Variants in TOX2 observed in about 807,000 individuals in gnomAD.
TOX2 encodes the protein granulosa cell HMG box 1.
Under a neutral mutation model 47.4 loss-of-function variants are expected in TOX2, and 15 were observed. That is an observed-to-expected ratio of 0.32 (90% CI 0.21 to 0.49). The LOEUF is 0.49. Among genes scored for constraint, TOX2 ranks in the 20% least tolerant of loss-of-function variants. The pLI, the probability that TOX2 is intolerant of heterozygous loss-of-function variation, is 0.99. For synonymous variants in TOX2, 290 were observed against 296.6 expected (o/e 0.98, Z 0.23); for missense variants, 622 against 673.1 (o/e 0.92, Z 0.84).
chr20:44,023,994 T>C (rs531386648), intron 3 of TOX2, among the ~76,000 whole-genome samples: 1 of 152,196 alleles, frequency 6.6e-6, no homozygotes, highest in Non-Finnish European at 1.5e-5. Context: ...GGTGGTGGCT[T>C]TTTATAAGAT....
At chr20:43,925,655 G>T (rs934303587) in intron 1 of TOX2, among the ~76,000 whole-genome samples, 5 of 152,350 alleles carry the variant, frequency 3.3e-5, no homozygotes, top group Middle Eastern at 3.4e-3. Flanking sequence ...CTGGGGTTCA[G>T]TTAGGTGTTG....
At chr20:44,021,105 A>G (rs2070968585) in intron 3 of TOX2, among the ~76,000 whole-genome samples, 2 of 152,184 alleles carry the variant, frequency 1.3e-5, no homozygotes, top group Non-Finnish European at 2.9e-5. Flanking sequence ...AAGAAGAACC[A>G]GGAACAAAAT....
At chr20:43,976,782 G>GCGCGCGCACA (rs1555835309) in intron 2 of TOX2, among the ~76,000 whole-genome samples, 1 of 146,434 alleles carries the variant, frequency 6.8e-6, no homozygotes, top group African/African-American at 2.6e-5. Context: ...GAGCGCGCGC[G>GCGCGCGCACA]CACACACACA....
In TOX2 at chr20:44,069,044, G is replaced by A. The variant is rs1017359539; in HGVS notation, c.*358G>A. ...GCCCCTGGCGGGGTCGCTTACCAACGGACACCCACCCCAGATGCATGGGCC... is the reference window on the plus strand; with the variant it reads ...GCCCCTGGCGGGGTCGCTTACCAACAGACACCCACCCCAGATGCATGGGCC... On this transcript the variant is annotated 3_prime_UTR_variant, in exon 9 of 9. Coordinates refer to ENST00000341197, the MANE Select transcript of TOX2 (RefSeq NM_001098797.2). 2.6e-5 allele frequency: 11 copies of A among 420,802 alleles called. No homozygotes were observed. Among genetic ancestry groups the A allele is most frequent in the East Asian group, 1.1e-4 (2 of 17,754 alleles). The allele number at this position is 420,802 out of a possible 1,614,324, so 26.1% of individuals were successfully genotyped here. A position where few individuals can be genotyped will look rare whatever the true frequency, so the allele number is the denominator to read the frequency against.
chr20:43,961,018 A>T (rs1026838520), intron 1 of TOX2, among the ~76,000 whole-genome samples: 1 of 152,208 alleles, frequency 6.6e-6, no homozygotes, highest in African/African-American at 2.4e-5. Context: ...TTTGAAGGTG[A>T]TGGTGTCTTG....
intron 1 of TOX2, among the ~76,000 whole-genome samples, chr20:43,935,930 A>C (rs1276439354): frequency 4.4e-3 from 43 of 9,804 alleles, no homozygotes; most frequent in Non-Finnish European, 0.011. Flanking sequence ...TCCATCCCAA[A>C]AAAAAAAAAA....
chr20:43,942,180 C>G (rs1428310635), intron 1 of TOX2, among the ~76,000 whole-genome samples: 3 of 152,184 alleles, frequency 2.0e-5, no homozygotes, highest in Non-Finnish European at 4.4e-5. Context: ...ATGGACCAGA[C>G]CAGGCACTTT....
intron 1 of TOX2, among the ~76,000 whole-genome samples, chr20:43,949,083 C>T (rs1479082945): frequency 1.3e-5 from 2 of 151,980 alleles, no homozygotes; most frequent in African/African-American, 4.8e-5. Flanking sequence ...GAAACAGTTA[C>T]TCTCAATGGC....
chr20:44,002,732 G>A (rs559128042), intron 2 of TOX2, among the ~76,000 whole-genome samples: 1 of 152,184 alleles, frequency 6.6e-6, no homozygotes, highest in East Asian at 1.9e-4. Flanking sequence ...GAAGGTGAAG[G>A]GGGGAGCAGG....
intron 5 of TOX2, 127 bp from the exon 6 acceptor site, chr20:44,064,650 C>T (rs2071777712): frequency 2.4e-6 from 2 of 850,514 alleles, no homozygotes; most frequent in African/African-American, 1.7e-5. Context: ...CTGGCTGACT[C>T]AGCTTCTGAC....
At chr20:43,970,845 A>G (rs536198726) in intron 1 of TOX2, among the ~76,000 whole-genome samples, 3 of 152,338 alleles carry the variant, frequency 2.0e-5, no homozygotes, top group African/African-American at 7.2e-5. Context: ...GAGACAGTCT[A>G]TGTTATAAGA....
chr20:44,039,152 G>T (rs1433880719), intron 3 of TOX2: 26 of 1,262,246 alleles, frequency 2.1e-5, no homozygotes, highest in Non-Finnish European at 2.5e-5. Context: ...GGAGAGCTCT[G>T]CCAGAGGCTT....
chr20:43,966,471 G>A (rs2069855483), intron 1 of TOX2, among the ~76,000 whole-genome samples: 1 of 152,128 alleles, frequency 6.6e-6, no homozygotes, highest in African/African-American at 2.4e-5. Flanking sequence ...AAGAGTGGGG[G>A]CACTTGCTGG....
chr20:43,935,281 G>A (rs2069310441), intron 1 of TOX2, among the ~76,000 whole-genome samples: 2 of 152,068 alleles, frequency 1.3e-5, no homozygotes, highest in South Asian at 2.1e-4. Context: ...CTCTTTCTCC[G>A]CCATCTTCCC....
At chr20:44,061,993 T>C (rs1463548872) in intron 5 of TOX2, among the ~76,000 whole-genome samples, 1 of 143,520 alleles carries the variant, frequency 7.0e-6, no homozygotes, top group East Asian at 2.0e-4. Context: ...ATAAAAGCCA[T>C]CTATGATAAA....
intron 1 of TOX2, among the ~76,000 whole-genome samples, chr20:43,951,705 A>ATTTTTTTTTTTTTTTTTTT (rs1212223106): frequency 6.6e-5 from 2 of 30,388 alleles, no homozygotes; most frequent in African/African-American, 1.3e-4. Context: ...TAAACTTATT[A>ATTTTTTTTTTTTTTTTTTT]TGTTTTTTTT....
intron 2 of TOX2, among the ~76,000 whole-genome samples, chr20:44,002,904 T>G (rs575239425): frequency 2.6e-5 from 4 of 152,334 alleles, no homozygotes; most frequent in Admixed American, 2.0e-4. Flanking sequence ...CAAACACTTT[T>G]GGCTCAGCCC....
In TOX2 at chr20:44,065,714, C is replaced by G. The variant is rs2071801872; in HGVS notation, c.963C>G (p.Ser321Arg). 1 of 1,576,482 alleles carries G rather than the reference C, an allele frequency of 6.3e-7. No homozygotes were observed. The highest frequency in any genetic ancestry group is 1.2e-5 in the South Asian group (1 of 86,744). ...GACTGATATCTGTCTCCTTCCAGAG[C>G]TCCCCAGATCAAGGTGAGACCAAGA... ...AAYRASLVSK[S>R]SPDQGETKST... The change falls in exon 7 of 9, where the codon AGC becomes AGG. Residue 321 changes from serine to arginine, a missense_variant and splice_region_variant. Physicochemically the swap from Ser to Arg is moderately radical, Grantham distance 110 (BLOSUM62 -1). Coordinates refer to ENST00000341197, the MANE Select transcript of TOX2 (RefSeq NM_001098797.2).
intron 3 of TOX2, among the ~76,000 whole-genome samples, chr20:44,033,733 G>A (rs1262742568): frequency 6.6e-6 from 1 of 152,014 alleles, no homozygotes; most frequent in Non-Finnish European, 1.5e-5. Context: ...CCTCCAAAGA[G>A]AACGAGCCCT....
Sources: gnomAD v4.1 joint callset for allele counts (sites outside exome capture counted in the v4.1 genomes callset) on GRCh38, gnomAD v4.1.1 for gene constraint, MANE v1.5 for transcripts, NCBI Gene and HGNC (gene_info 2026-07-23, HGNC 2026-07-21) for gene names.